TGFBRAP1: variants seen among roughly 807,000 people sequenced by gnomAD.
The protein encoded by TGFBRAP1 is transforming growth factor beta receptor associated protein 1, also known as transforming growth factor-beta receptor-associated protein 1.
A neutral mutation model predicts 83.2 loss-of-function variants in TGFBRAP1; 20 were observed. The ratio of observed to expected loss-of-function variants is 0.24; its 90% CI spans 0.17 to 0.35. The LOEUF is 0.35. Ranked by LOEUF, TGFBRAP1 falls within the 10% of genes least tolerant of loss-of-function variation. The probability of loss-of-function intolerance (pLI) is 1.00; values close to 1 mark genes in which losing one functional copy is unlikely to be tolerated. For missense variants in TGFBRAP1, 950 were observed against 1,099.4 expected (o/e 0.86, Z 1.92); for synonymous variants, 415 against 459.8 (o/e 0.90, Z 1.25).
At chr2:105,284,283 A>G (rs751320141) in intron 5 of TGFBRAP1, 33 bp downstream of exon 5, 4 of 1,597,286 alleles carry the variant, frequency 2.5e-6, no homozygotes, top group East Asian at 4.5e-5. Context: ...GGGACACTGT[A>G]GTGGCAGTCT....
chr2:105,269,374 T>A lies in TGFBRAP1; in HGVS notation c.2304A>T (p.Pro768=), dbSNP rs758503223. 1.2e-6 allele frequency: 2 copies of A among 1,614,004 alleles called. No homozygotes were observed. Among genetic ancestry groups the A allele is most frequent in the Non-Finnish European group, 1.7e-6 (2 of 1,180,002 alleles). Residue 768 remains proline (P), a synonymous_variant, in exon 11 of 12, where the codon CCA becomes CCT. Transcript: ENST00000393359. This position sits in a 1 kb window ranked among gnomAD's most constrained non-coding sequence, Gnocchi z 4.1. ...PDTWSVQLLC[P]FLMGAMRDSI... is the part of the protein sequence containing the mutation. The stretch of plus-strand genomic sequence containing the variant: ...TGTCCCTCATGGCCCCCATCAGGAA[T>A]GGGCAGAGGAGCTGCACTGACCAGG...
chr2:105,303,636 T>G (rs1459171290), intron 2 of TGFBRAP1, among the ~76,000 whole-genome samples: 1 of 152,192 alleles, frequency 6.6e-6, no homozygotes, highest in Admixed American at 6.5e-5. Context: ...TATTGAAAAC[T>G]GAGTAACTGA....
At chr2:105,251,230 C>A in the TGFBRAP1 span, among the ~76,000 whole-genome samples, 2 of 150,892 alleles carry the variant, frequency 1.3e-5, no homozygotes. Flanking sequence ...GGCCGCCACC[C>A]CGTCTGGGAA....
At chr2:105,315,039 A>C (rs1678811937) in intron 1 of TGFBRAP1, among the ~76,000 whole-genome samples, 1 of 152,028 alleles carries the variant, frequency 6.6e-6, no homozygotes, top group South Asian at 2.1e-4. Context: ...AGAAACCCAC[A>C]AAAAAGCTAT....
In TGFBRAP1 at chr2:105,307,720, G is replaced by C; in HGVS notation, c.582C>G (p.Ser194Arg). The C allele has an allele frequency of 6.2e-7, 1 of 1,614,166 alleles. No homozygotes were observed. Among genetic ancestry groups the C allele is most frequent in the Non-Finnish European group, 8.5e-7 (1 of 1,180,042 alleles). The part of the protein sequence containing the change: ...LTTQYIIHNY[S>R]TGVSQDLFPY... ...GAAACAGGTCCTGGGAGACGCCTGT[G>C]CTGTAATTGTGGATGATGTACTGAG... is the stretch of plus-strand genomic sequence containing the variant. Residue 194 changes from serine (S) to arginine (R), a missense_variant, in exon 2 of 12, where the codon AGC becomes AGG. Ser to Arg is a moderately radical substitution (Grantham distance 110). Transcript: ENST00000393359.
chr2:105,315,599 T>TGAAAA (rs1678830113), intron 1 of TGFBRAP1, among the ~76,000 whole-genome samples: 2 of 152,154 alleles, frequency 1.3e-5, no homozygotes, highest in Admixed American at 6.5e-5. Context: ...AATAAGAACA[T>TGAAAA]GAAAAGATGC....
rs2241798 is a variant in TGFBRAP1, at chr2:105,269,762, C to A, written c.1973-57G>T. 209,354 of 1,435,652 alleles carry A rather than the reference C, an allele frequency of 0.15. 19,416 individuals carry two copies. Among genetic ancestry groups the A allele is most frequent in the East Asian group, 0.52 (21,015 of 40,544 alleles). 88.9% of individuals were successfully genotyped at this position (1,435,652 alleles called of 1,614,324 possible). ...AGGGGCTCGCCGGCCACCCGCCCAG[C>A]GACTGGCCTCCTTGCTGCTCTGGGC... is the stretch of plus-strand genomic sequence containing the variant. On this transcript the variant is annotated intron_variant, in intron 10 of 11. Coordinates refer to ENST00000393359, the MANE Select transcript of TGFBRAP1 (RefSeq NM_004257.6). This position sits in a 1 kb window ranked among gnomAD's most constrained non-coding sequence, Gnocchi z 4.1.
intron 2 of TGFBRAP1, among the ~76,000 whole-genome samples, chr2:105,305,313 A>G (rs1678458740): frequency 6.6e-6 from 1 of 152,254 alleles, no homozygotes; most frequent in Non-Finnish European, 1.5e-5. Flanking sequence ...TGAGGTGACT[A>G]TACAAAAACT....
At position 105,267,243 on chromosome 2, in the gene TGFBRAP1, G is replaced by C. The variant is rs1056909653; in HGVS notation, c.*140C>G. On this transcript the variant is annotated 3_prime_UTR_variant, in exon 12 of 12. Transcript: ENST00000393359. ...TGGTCAGCAGCGAGGAGTCCTTGTT[G>C]CGTATGGACGGAAGGCTCCCTGGCA... 2.5e-5 allele frequency: 27 copies of C among 1,094,952 alleles called. No homozygotes were observed. The highest frequency in any genetic ancestry group is 3.5e-5 in the Non-Finnish European group (27 of 781,630). The allele number at this position is 1,094,952 out of a possible 1,614,324, so 67.8% of individuals were successfully genotyped here.
chr2:105,252,894 A>G, the TGFBRAP1 span, among the ~76,000 whole-genome samples: 1 of 150,718 alleles, frequency 6.6e-6, no homozygotes, highest in Non-Finnish European at 1.5e-5. Flanking sequence ...CTGGGACTAC[A>G]GGGGTCCACC....
chr2:105,259,825 G>A (rs1676748072), downstream of TGFBRAP1, among the ~76,000 whole-genome samples: 1 of 152,072 alleles, frequency 6.6e-6, no homozygotes, highest in African/African-American at 2.4e-5. Flanking sequence ...AAACCTTTGT[G>A]CCTTTCCTTG....
chr2:105,311,145 T>TAAAAAAAAAAAA (rs11389565), intron 1 of TGFBRAP1, among the ~76,000 whole-genome samples: 1 of 125,446 alleles, frequency 8.0e-6, no homozygotes, highest in Admixed American at 8.0e-5. Context: ...GAGAGAGCTG[T>TAAAAAAAAAAAA]AAAAAAAAAA....
rs965473851 is a variant in TGFBRAP1, at chr2:105,266,943, G to A, written c.*440C>T. ...GCTCTGTGCCCTCGCCACTCACCCA[G>A]GCAAGAGAGGACTTTGTCGCCAGCC... On this transcript the variant is annotated 3_prime_UTR_variant, in exon 12 of 12. Transcript: ENST00000393359. The A allele has an allele frequency of 3.7e-5, 6 of 160,576 alleles. No homozygotes were observed. Among genetic ancestry groups the A allele is most frequent in the Admixed American group, 1.2e-4 (2 of 16,890 alleles). 9.9% of individuals were successfully genotyped at this position (160,576 alleles called of 1,614,324 possible). A position where few individuals can be genotyped will look rare whatever the true frequency, so the allele number is the denominator to read the frequency against.
intron 1 of TGFBRAP1, among the ~76,000 whole-genome samples, chr2:105,316,450 T>TGCGC (rs1678863381): frequency 1.3e-5 from 1 of 76,222 alleles, no homozygotes; most frequent in African/African-American, 4.9e-5. Context: ...TGTGTGTGTG[T>TGCGC]GTGTGTGTGT....
At chr2:105,318,803 C>T (rs1027412476) in intron 1 of TGFBRAP1, among the ~76,000 whole-genome samples, 6 of 152,144 alleles carry the variant, frequency 3.9e-5, no homozygotes, top group South Asian at 2.1e-4. Context: ...GCTCAGGGGG[C>T]GAACACCCTG....
At position 105,307,723 on chromosome 2, in the gene TGFBRAP1, G is replaced by A. The variant is rs1573207124; in HGVS notation, c.579C>T (p.Tyr193=). The A allele has an allele frequency of 1.2e-6, 2 of 1,614,174 alleles. No individual in the cohort carries two copies. The highest frequency in any genetic ancestry group is 1.7e-6 in the Non-Finnish European group (2 of 1,180,036). The change falls in exon 2 of 12, where the codon TAC becomes TAT. Residue 193 remains tyrosine (Y), a synonymous_variant. Coordinates refer to ENST00000393359, the MANE Select transcript of TGFBRAP1 (RefSeq NM_004257.6). ...ALTTQYIIHN[Y]STGVSQDLFP... ...ACAGGTCCTGGGAGACGCCTGTGCT[G>A]TAATTGTGGATGATGTACTGAGTGG...
In TGFBRAP1 at chr2:105,287,250, G is replaced by A. The variant is rs371850506; in HGVS notation, c.1039-2852C>T. On this transcript the variant is annotated intron_variant, in intron 4 of 11. Coordinates refer to ENST00000393359, the MANE Select transcript of TGFBRAP1 (RefSeq NM_004257.6). ...GTTCGGTAGCACAGCGTTTCTGCCT[G>A]GGAAGATGAAAGGTCTGGAGATGGT... is the stretch of plus-strand genomic sequence containing the variant. Among the ~76,000 whole-genome samples, 274 of 152,248 alleles carry A rather than the reference G, an allele frequency of 1.8e-3. 1 individual carries two copies. The highest frequency in any genetic ancestry group is 0.016 in the South Asian group (79 of 4,812).
At chr2:105,289,737 A>G (rs184171780) in intron 4 of TGFBRAP1, among the ~76,000 whole-genome samples, 3 of 152,348 alleles carry the variant, frequency 2.0e-5, no homozygotes, top group East Asian at 1.9e-4. Flanking sequence ...TTGCTTTTTA[A>G]CAAACAATAA....
chr2:105,309,740 A>G (rs773259258), intron 1 of TGFBRAP1, among the ~76,000 whole-genome samples: 2 of 152,170 alleles, frequency 1.3e-5, no homozygotes, highest in Non-Finnish European at 2.9e-5. Flanking sequence ...TCTTCCCATC[A>G]CTTGAGCAAA....
Sources: allele counts gnomAD v4.1 joint callset (sites outside exome capture counted in the v4.1 genomes callset), GRCh38; gene constraint gnomAD v4.1.1; non-coding constraint Gnocchi (gnomAD v3.1); transcripts MANE v1.5; gene names NCBI Gene and HGNC (gene_info 2026-07-23, HGNC 2026-07-21).